The following GMPPA variants were observed in gnomAD, a reference collection of about 807,000 sequenced individuals.
GMPPA encodes mannose-1-phosphate guanylyltransferase regulatory subunit alpha.
GMPPA carries 46 observed loss-of-function variants against 58.6 expected under a neutral mutation model. The observed-to-expected ratio is 0.78, with a 90% CI of 0.62 to 1.00. The LOEUF is 1.00. GMPPA is among the 50% of genes least tolerant of loss of function. The pLI is 0.00. For missense variants in GMPPA, 468 were observed against 556.4 expected (o/e 0.84, Z 1.60); for synonymous variants, 211 against 214.9 (o/e 0.98, Z 0.16).
In GMPPA at chr2:219,502,817, G is replaced by A. The variant is rs1694448303; in HGVS notation, c.489+376G>A. Among the ~76,000 whole-genome samples the A allele has an allele frequency of 6.6e-6, 1 of 152,078 alleles. No individual in the cohort carries two copies. Among genetic ancestry groups the A allele is most frequent in the Non-Finnish European group, 1.5e-5 (1 of 67,984 alleles). ...GTACTACAGGCAGAGGGAATGGCAG[G>A]TATAAAGGCCTGGAGGCAGGAAGTA... is the stretch of plus-strand genomic sequence containing the variant. On this transcript the variant is annotated intron_variant, in intron 6 of 12. Coordinates refer to ENST00000313597, the MANE Select transcript of GMPPA (RefSeq NM_013335.4). This position sits in a 1 kb window ranked among gnomAD's most constrained non-coding sequence, Gnocchi z 4.0.
chr2:219,501,605 G>C (rs199889769), intron 4 of GMPPA, 26 bp downstream of exon 4: 10 of 1,394,176 alleles, frequency 7.2e-6, no homozygotes, highest in Admixed American at 3.3e-5. Context: ...CTCGTATATG[G>C]GGGGGTGGGG....
intron 12 of GMPPA, 34 bp from the exon 13 acceptor site, chr2:219,506,664 A>C: frequency 7.8e-7 from 1 of 1,277,018 alleles, no homozygotes; most frequent in Non-Finnish European, 1.1e-6. Context: ...CTCCCCTCCC[A>C]TGACCTCCCC....
At chr2:219,503,325 A>G (rs887653090) in intron 6 of GMPPA, among the ~76,000 whole-genome samples, 1 of 151,880 alleles carries the variant, frequency 6.6e-6, no homozygotes, top group African/African-American at 2.4e-5. Flanking sequence ...GGCTTTCGTC[A>G]TACTGCCCAG....
At position 219,501,884 on chromosome 2, in the gene GMPPA, G is replaced by T. The variant is rs1559446348; in HGVS notation, c.276G>T (p.Gly92=). ...AGGAATTTGCCCCCCTAGGCACAGG[G>T]GGTGGTCTTTACCATTTTCGAGACC... ...YLQEFAPLGT[G]GGLYHFRDQI... Residue 92 remains glycine (G), a synonymous_variant, in exon 5 of 13, where the codon GGG becomes GGT. Coordinates refer to ENST00000313597, the MANE Select transcript of GMPPA (RefSeq NM_013335.4). 1 of 1,614,182 alleles carries T rather than the reference G, an allele frequency of 6.2e-7. No individual in the cohort carries two copies.
chr2:219,501,749 G>A (rs1694399295), intron 4 of GMPPA, 102 bp from the exon 5 acceptor site: 3 of 1,038,974 alleles, frequency 2.9e-6, no homozygotes, highest in Admixed American at 3.8e-5. Flanking sequence ...TGGGCCTTGG[G>A]CAGGAGTAGT....
chr2:219,506,065 C>T lies in GMPPA; in HGVS notation c.986C>T (p.Thr329Ile). 8.2e-6 allele frequency: 13 copies of T among 1,582,636 alleles called. No homozygotes were observed. The highest frequency in any genetic ancestry group is 1.0e-5 in the Non-Finnish European group (12 of 1,158,638). ...GAGAGCATCGTCCTCCATGGAGCCA[C>T]TTTGCAGGTAGGTACCAGCATACAC... The part of the protein sequence containing the change: ...LRESIVLHGA[T>I]LQEHTCVLHS... Residue 329 changes from threonine to isoleucine, a missense_variant, in exon 11 of 13, where the codon ACT (threonine) becomes ATT (isoleucine). By Grantham distance (89) the Thr-to-Ile change is moderately conservative (BLOSUM62 -1). Coordinates refer to ENST00000313597, the MANE Select transcript of GMPPA (RefSeq NM_013335.4).
At chr2:219,499,721 G>T (rs560995723) in intron 1 of GMPPA, 3 of 587,378 alleles carry the variant, frequency 5.1e-6, no homozygotes, top group South Asian at 4.1e-5. Flanking sequence ...TTACATCTTG[G>T]GGGAGGGCTA....
chr2:219,499,879 C>A, intron 1 of GMPPA, 77 bp from the exon 2 acceptor site: 2 of 1,059,882 alleles, frequency 1.9e-6, no homozygotes, highest in Non-Finnish European at 3.0e-6. Context: ...TGGGAGAGGG[C>A]TAAGTGTTGC....
chr2:219,499,790 C>T (rs994049659), intron 1 of GMPPA, 166 bp from the exon 2 acceptor site: 1 of 648,692 alleles, frequency 1.5e-6, no homozygotes, highest in Non-Finnish European at 2.8e-6. Flanking sequence ...CTTGATTTCT[C>T]TGCTGGGATT....
chr2:219,505,435 C>A (rs763135203), intron 8 of GMPPA, 23 bp from the exon 9 acceptor site: 5 of 1,596,952 alleles, frequency 3.1e-6, no homozygotes, highest in Non-Finnish European at 4.3e-6. Context: ...CCCCTGAGCC[C>A]CTGTCCCCCT....
chr2:219,501,782 C>T (rs768219011), intron 4 of GMPPA, 69 bp from the exon 5 acceptor site: 11 of 1,421,496 alleles, frequency 7.7e-6, no homozygotes, highest in Non-Finnish European at 1.1e-5. Context: ...CGGTGGCGGT[C>T]AGGTGCCCTG....
At chr2:219,503,986 A>C in intron 6 of GMPPA, 97 bp from the exon 7 acceptor site, 1 of 1,380,906 alleles carries the variant, frequency 7.2e-7, no homozygotes, top group Non-Finnish European at 1.0e-6. Context: ...CCCTGGCAGC[A>C]GGGAGGAGAG....
Position 219,505,765 on chromosome 2 carries a change from A to G in GMPPA, c.900+4A>G, listed in dbSNP as rs759858230. 1 of 1,599,638 alleles carries G rather than the reference A, an allele frequency of 6.3e-7. No individual in the cohort carries two copies. Among genetic ancestry groups the G allele is most frequent in the Non-Finnish European group, 8.5e-7 (1 of 1,172,388 alleles). ...CAAGGTGGCCCCCTCGGCTGTGGTG[A>G]GCACTGGTCCCAGCCCCAGGGAGGG... On this transcript the variant is annotated splice_donor_region_variant and intron_variant, in intron 10 of 12. Coordinates refer to ENST00000313597, the MANE Select transcript of GMPPA (RefSeq NM_013335.4).
chr2:219,505,411 ACAGG>A, intron 8 of GMPPA, 43 bp from the exon 9 acceptor site: 1 of 1,609,018 alleles, frequency 6.2e-7, no homozygotes, highest in Non-Finnish European at 8.5e-7. Flanking sequence ...GGTGGTGGGC[ACAGG>A]CCCTGCTGAC....
intron 12 of GMPPA, 112 bp downstream of exon 12, chr2:219,506,534 TAC>T: frequency 1.7e-6 from 2 of 1,162,468 alleles, no homozygotes; most frequent in Non-Finnish European, 2.4e-6. Flanking sequence ...AGCAAACAGT[TAC>T]CAAGGGCCTG....
chr2:219,499,134 A>G (rs534753137), intron 1 of GMPPA, 196 bp downstream of exon 1: 1 of 152,278 alleles, frequency 6.6e-6, no homozygotes, highest in South Asian at 2.1e-4. Flanking sequence ...CAATCAATCA[A>G]TCCTCCGAAT....
At chr2:219,505,150 T>C in intron 7 of GMPPA, 78 bp from the exon 8 acceptor site, 1 of 1,493,500 alleles carries the variant, frequency 6.7e-7, no homozygotes, top group Non-Finnish European at 9.2e-7. Flanking sequence ...CTCCTACTCC[T>C]GTCCCTGGGA....
Position 219,506,422 on chromosome 2 carries a change from G to A in GMPPA, c.1162G>A (p.Gly388Ser), listed in dbSNP as rs1309109561. The A allele has an allele frequency of 4.3e-6, 7 of 1,610,816 alleles. No individual in the cohort carries two copies. The highest frequency in any genetic ancestry group is 5.9e-6 in the Non-Finnish European group (7 of 1,178,776). Residue 388 changes from glycine (G) to serine (S), a missense_variant and splice_region_variant, in exon 12 of 13, where the codon GGC becomes AGC. By Grantham distance (56) the Gly-to-Ser change is moderately conservative. Coordinates refer to ENST00000313597, the MANE Select transcript of GMPPA (RefSeq NM_013335.4). Reference protein sequence around the residue: ...GKLLPAITILGCRVRIPAEVL... With the variant: ...GKLLPAITILSCRVRIPAEVL... ...GCTGCTGCCTGCTATCACCATCCTG[G>A]GTATGGCTTCCTGGGGGCCAGGGCT...
Position 219,502,046 on chromosome 2 carries a change from G to T in GMPPA, c.429+9G>T, listed in dbSNP as rs766680312. 42 of 1,613,766 alleles carry T rather than the reference G, an allele frequency of 2.6e-5. No individual in the cohort carries two copies. The highest frequency in any genetic ancestry group is 2.5e-6 in the Non-Finnish European group (3 of 1,179,836). ...TACTCCTTGGCACTACGGTGAGGGG[G>T]TCAGGAGGGCTGGAGGGTGTAGAGG... On this transcript the variant is annotated intron_variant, in intron 5 of 12. Transcript: ENST00000313597. The surrounding 1 kb of genome is among the most constrained non-coding windows in gnomAD (Gnocchi z 4.0).
Sources: allele counts gnomAD v4.1 joint callset (sites outside exome capture counted in the v4.1 genomes callset), GRCh38; gene constraint gnomAD v4.1.1; non-coding constraint Gnocchi (gnomAD v3.1); transcripts MANE v1.5; gene names NCBI Gene and HGNC (gene_info 2026-07-23, HGNC 2026-07-21).